TECRL: variants seen among roughly 807,000 people sequenced by gnomAD.
TECRL encodes the protein trans-2,3-enoyl-CoA reductase like, also known as trans-2,3-enoyl-CoA reductase-like.
In TECRL, 63 loss-of-function variants were observed where a neutral mutation model predicts 52.8. The observed-to-expected ratio is 1.19, with a 90% CI of 0.97 to 1.47. The LOEUF is 1.47. TECRL is among the 40% of genes most tolerant of loss of function. TECRL has a pLI of 0.00. For synonymous variants in TECRL, 164 were observed against 141.9 expected, an observed-to-expected ratio of 1.16 and a Z score of -1.10; for missense variants, 482 against 429.6, an observed-to-expected ratio of 1.12 and a Z score of -1.08.
chr4:64,319,603 T>C (rs1410478666), intron 4 of TECRL, among the ~76,000 whole-genome samples: 1 of 151,844 alleles, frequency 6.6e-6, no homozygotes, highest in Non-Finnish European at 1.5e-5. Flanking sequence ...GACTCAACAC[T>C]GTATCCCAGA....
Position 64,345,300 on chromosome 4 carries a change from C to T in TECRL, c.287-16744G>A, listed in dbSNP as rs1719874102. ...ACAATAGCAAAGACTTAGAACCAAC[C>T]CAAATGTCCAACAATGATAGACTGG... On this transcript the variant is annotated intron_variant, in intron 2 of 11. Coordinates refer to ENST00000381210, the MANE Select transcript of TECRL (RefSeq NM_001010874.5). Among the ~76,000 whole-genome samples the T allele has an allele frequency of 2.0e-5, 3 of 152,124 alleles. No individual in the cohort carries two copies. The South Asian group carries it at 6.2e-4, about 32-fold the overall frequency.
chr4:64,363,843 AGTTACT>A (rs1721398450), intron 2 of TECRL, among the ~76,000 whole-genome samples: 1 of 152,172 alleles, frequency 6.6e-6, no homozygotes, highest in African/African-American at 2.4e-5. Flanking sequence ...TTCTAAGAGA[AGTTACT>A]GTTTATTCCT....
At chr4:64,291,058 T>C (rs144308765) in intron 8 of TECRL, among the ~76,000 whole-genome samples, 90 of 152,272 alleles carry the variant, frequency 5.9e-4, no homozygotes, top group African/African-American at 1.9e-3. Flanking sequence ...GTGTGTGGGC[T>C]TTTGTGGCAT....
intron 7 of TECRL, among the ~76,000 whole-genome samples, chr4:64,300,944 T>G (rs984141296): frequency 1.3e-5 from 2 of 150,944 alleles, no homozygotes; most frequent in African/African-American, 4.8e-5. Flanking sequence ...TAATACTGCT[T>G]TGAACATCTT....
intron 1 of TECRL, among the ~76,000 whole-genome samples, chr4:64,385,722 GAT>G (rs1379723821): frequency 6.6e-6 from 1 of 152,100 alleles, no homozygotes; most frequent in African/African-American, 2.4e-5. Flanking sequence ...AGTCTTAAGA[GAT>G]GTGTGGAACG....
chr4:64,342,473 T>C (rs984314535), intron 2 of TECRL, among the ~76,000 whole-genome samples: 1 of 151,620 alleles, frequency 6.6e-6, no homozygotes, highest in African/African-American at 2.4e-5. Context: ...TTATTTATAT[T>C]TATATATACC....
chr4:64,366,232 G>A (rs4860159), intron 2 of TECRL, among the ~76,000 whole-genome samples: 134,641 of 152,100 alleles, frequency 0.89, 60,591 homozygotes, highest in East Asian at 1. Flanking sequence ...ACAAAATTCA[G>A]CTTGATTTGG....
chr4:64,392,666 C>T (rs1180978959), intron 1 of TECRL, among the ~76,000 whole-genome samples: 1 of 151,884 alleles, frequency 6.6e-6, no homozygotes, highest in Non-Finnish European at 1.5e-5. Context: ...TATTGTCTGT[C>T]AGCTTCACAA....
intron 1 of TECRL, among the ~76,000 whole-genome samples, chr4:64,381,876 C>T (rs1050505386): frequency 2.0e-5 from 3 of 151,606 alleles, no homozygotes; most frequent in East Asian, 3.9e-4. Flanking sequence ...TGTGTGTGCA[C>T]GCAAGTGCAC....
chr4:64,337,485 C>T (rs1311040917), intron 2 of TECRL, among the ~76,000 whole-genome samples: 2 of 152,222 alleles, frequency 1.3e-5, no homozygotes, highest in East Asian at 3.9e-4. Context: ...GGAAGTCAAA[C>T]TGTCCCTGTT....
chr4:64,324,844 A>G (rs1338307026), intron 3 of TECRL, among the ~76,000 whole-genome samples: 1 of 152,150 alleles, frequency 6.6e-6, no homozygotes, highest in African/African-American at 2.4e-5. Flanking sequence ...GTGTTTACCT[A>G]AGAACACATG....
chr4:64,330,368 G>A (rs1309166392), intron 2 of TECRL, among the ~76,000 whole-genome samples: 4 of 152,028 alleles, frequency 2.6e-5, no homozygotes, highest in Non-Finnish European at 5.9e-5. Flanking sequence ...TGATTGACAG[G>A]ATATATATGG....
intron 1 of TECRL, among the ~76,000 whole-genome samples, chr4:64,382,280 ATAT>A (rs1275815181): frequency 6.9e-6 from 1 of 144,476 alleles, no homozygotes; most frequent in Admixed American, 7.1e-5. Context: ...ATTATATATT[ATAT>A]TATATTATAT....
At chr4:64,345,817 T>G (rs1380835042) in intron 2 of TECRL, among the ~76,000 whole-genome samples, 1 of 148,626 alleles carries the variant, frequency 6.7e-6, no homozygotes, top group African/African-American at 2.5e-5. Context: ...ACTGTATGGT[T>G]GCAGGTAATC....
chr4:64,382,246 T>C (rs1722860412), intron 1 of TECRL, among the ~76,000 whole-genome samples: 3 of 142,488 alleles, frequency 2.1e-5, no homozygotes, highest in South Asian at 2.1e-4. Context: ...GTATTATGTA[T>C]ATATAATATA....
intron 2 of TECRL, among the ~76,000 whole-genome samples, chr4:64,371,079 G>A (rs1310942086): frequency 6.6e-6 from 1 of 151,614 alleles, no homozygotes; most frequent in Admixed American, 6.6e-5. Flanking sequence ...AATAATCACA[G>A]AAGTGGTCAT....
chr4:64,278,285 G>A lies in TECRL; in HGVS notation c.*1787C>T, dbSNP rs1258371861. 1 of 153,696 alleles carries A rather than the reference G, an allele frequency of 6.5e-6. No individual in the cohort carries two copies. The highest frequency in any genetic ancestry group is 2.4e-5 in the African/African-American group (1 of 41,388). The allele number at this position is 153,696 out of a possible 1,614,324, so 9.5% of individuals were successfully genotyped here. A position where few individuals can be genotyped will look rare whatever the true frequency, so the allele number is the denominator to read the frequency against. The stretch of plus-strand genomic sequence containing the variant: ...AATAAGTACACAACTAAATAAAAAT[G>A]TTACACTTTTAATATAGCTATAATT... On this transcript the variant is annotated 3_prime_UTR_variant, in exon 12 of 12. Coordinates refer to ENST00000381210, the MANE Select transcript of TECRL (RefSeq NM_001010874.5).
intron 1 of TECRL, among the ~76,000 whole-genome samples, chr4:64,405,943 G>A (rs1174741997): frequency 1.3e-5 from 2 of 152,090 alleles, no homozygotes; most frequent in African/African-American, 4.8e-5. Flanking sequence ...ATTTAGCAAA[G>A]TATTTGCCGT....
intron 7 of TECRL, among the ~76,000 whole-genome samples, chr4:64,302,737 A>G (rs1029173281): frequency 1.3e-5 from 2 of 151,448 alleles, no homozygotes; most frequent in Non-Finnish European, 3.0e-5. Flanking sequence ...GTGGCAAAGT[A>G]AGATATATTA....
Sources: gnomAD v4.1 joint callset for allele counts (sites outside exome capture counted in the v4.1 genomes callset) on GRCh38, gnomAD v4.1.1 for gene constraint, MANE v1.5 for transcripts, NCBI Gene and HGNC (gene_info 2026-07-23, HGNC 2026-07-21) for gene names.